POSTN: variants seen among roughly 807,000 people sequenced by gnomAD.
The protein encoded by POSTN is periostin.
POSTN carries 71 observed loss-of-function variants against 104.5 expected under a neutral mutation model. The observed-to-expected ratio is 0.68, with a 90% CI of 0.56 to 0.83. POSTN has a LOEUF of 0.83. POSTN is among the 40% of genes least tolerant of loss of function. POSTN has a pLI of 0.00. For missense variants in POSTN, 949 were observed against 1,006.8 expected (o/e 0.94, Z 0.78); for synonymous variants, 355 against 340.7 (o/e 1.04, Z -0.46).
Position 37,579,032 on chromosome 13 carries a change from G to A in POSTN, c.1881C>T (p.Leu627=), listed in dbSNP as rs747574348. 6.2e-7 allele frequency: 1 copy of A among 1,613,176 alleles called. No individual in the cohort carries two copies. Among genetic ancestry groups the A allele is most frequent in the African/African-American group, 1.3e-5 (1 of 74,984 alleles). The change falls in exon 14 of 23, where the codon CTC becomes CTT. Residue 627 remains leucine (L), a synonymous_variant. Coordinates refer to ENST00000379747, the MANE Select transcript of POSTN (RefSeq NM_006475.3). The stretch of plus-strand genomic sequence containing the variant: ...ATAATTACAAACCTGCTGGATAGAG[G>A]AGTTTATCTACAACATGAATTACAC... ...TNGVIHVVDK[L]LYPADTPVGN...
intron 15 of POSTN, among the ~76,000 whole-genome samples, chr13:37,578,244 A>G (rs1448030984): frequency 6.6e-6 from 1 of 152,130 alleles, no homozygotes; most frequent in Non-Finnish European, 1.5e-5. Flanking sequence ...TTGGACTGTA[A>G]ACTTTTTGAA....
Position 37,586,256 on chromosome 13 carries a change from A to G in POSTN, c.778T>C (p.Leu260=). ...TGACCGTCTCTTCCAAGGGCCTCCAATATGTCCGATGTGATGGCAGCTGCC... is the reference window on the plus strand; with the variant it reads ...TGACCGTCTCTTCCAAGGGCCTCCAGTATGTCCGATGTGATGGCAGCTGCC... The part of the protein sequence containing the change: ...FRAAAITSDI[L]EALGRDGHFT... The change falls in exon 7 of 23, where the codon TTG becomes CTG. Residue 260 remains leucine (L), a synonymous_variant. Transcript: ENST00000379747. The G allele has an allele frequency of 1.2e-5, 19 of 1,612,874 alleles. No homozygotes were observed. The highest frequency in any genetic ancestry group is 1.6e-5 in the Non-Finnish European group (19 of 1,179,480).
intron 16 of POSTN, among the ~76,000 whole-genome samples, chr13:37,574,993 G>A (rs1448249638): frequency 1.3e-5 from 2 of 151,950 alleles, no homozygotes; most frequent in Non-Finnish European, 2.9e-5. Context: ...CATTGCAACA[G>A]AAGACAAATA....
Position 37,571,389 on chromosome 13 carries a change from A to T in POSTN, c.2159T>A (p.Ile720Lys). The T allele has an allele frequency of 6.2e-7, 1 of 1,608,074 alleles. No individual in the cohort carries two copies. The highest frequency in any genetic ancestry group is 8.5e-7 in the Non-Finnish European group (1 of 1,175,232). ...EFRLIKEGET[I>K]TEVIHGEPII... ...CGCACCTCCATGGATCACTTCAGTTATTGTTTCACCTTCTTTAATCAGTCT... is the reference window on the plus strand; with the variant it reads ...CGCACCTCCATGGATCACTTCAGTTTTTGTTTCACCTTCTTTAATCAGTCT... Residue 720 changes from isoleucine (I) to lysine (K), a missense_variant, in exon 18 of 23, where the codon ATA (isoleucine) becomes AAA (lysine). Coordinates refer to ENST00000379747, the MANE Select transcript of POSTN (RefSeq NM_006475.3).
chr13:37,565,759 A>G (rs1950080428), intron 21 of POSTN, among the ~76,000 whole-genome samples: 1 of 152,246 alleles, frequency 6.6e-6, no homozygotes, highest in Admixed American at 6.5e-5. Context: ...GTCTGTGTAA[A>G]ACAACCAAGT....
At chr13:37,578,498 TAAATC>T (rs56728932) in intron 15 of POSTN, among the ~76,000 whole-genome samples, 18,403 of 152,014 alleles carry the variant, frequency 0.12, 1,624 homozygotes, top group African/African-American at 0.24. Flanking sequence ...ATATTAGAAA[TAAATC>T]AAGTAACTTT....
chr13:37,574,531 T>C, intron 17 of POSTN, 41 bp downstream of exon 17: 1 of 1,550,698 alleles, frequency 6.4e-7, no homozygotes, highest in Non-Finnish European at 8.6e-7. Flanking sequence ...TTTACAGATG[T>C]TTTTACTATA....
At chr13:37,571,259 A>G (rs1426523776) in intron 18 of POSTN, 110 bp downstream of exon 18, 18 of 727,760 alleles carry the variant, frequency 2.5e-5, no homozygotes, top group Non-Finnish European at 1.5e-5. Flanking sequence ...CACAATTTTT[A>G]TAAAATAAGA....
In POSTN at chr13:37,577,735, T is replaced by C. The variant is rs778857571; in HGVS notation, c.2008+18A>G. 1.7e-5 allele frequency: 27 copies of C among 1,608,894 alleles called. No homozygotes were observed. Among genetic ancestry groups the C allele is most frequent in the Non-Finnish European group, 2.1e-5 (25 of 1,177,454 alleles). On this transcript the variant is annotated intron_variant, in intron 16 of 22. Coordinates refer to ENST00000379747, the MANE Select transcript of POSTN (RefSeq NM_006475.3). The stretch of plus-strand genomic sequence containing the variant: ...CATACCTTGCCACCCAGGTGGCCAA[T>C]ATTTATTATATACTTACTATAGACA...
In POSTN at chr13:37,571,377, A is replaced by T. The variant is rs1274563119; in HGVS notation, c.2171T>A (p.Ile724Asn). 6.2e-7 allele frequency: 1 copy of T among 1,602,210 alleles called. No individual in the cohort carries two copies. The highest frequency in any genetic ancestry group is 8.5e-7 in the Non-Finnish European group (1 of 1,170,408). The change falls in exon 18 of 23, where the codon ATC becomes AAC. Residue 724 changes from isoleucine (I) to asparagine (N), a missense_variant. Transcript: ENST00000379747. ...TAACATAAGGAACGCACCTCCATGG[A>T]TCACTTCAGTTATTGTTTCACCTTC... ...IKEGETITEVIHGEPIIKKYT... is the reference protein window; with the variant it reads ...IKEGETITEVNHGEPIIKKYT...
intron 11 of POSTN, among the ~76,000 whole-genome samples, chr13:37,580,258 A>G (rs1490685627): frequency 6.6e-6 from 1 of 152,250 alleles, no homozygotes; most frequent in Non-Finnish European, 1.5e-5. Context: ...AAGCATTTTT[A>G]TCATGTAATA....
At chr13:37,569,565 A>G (rs948176452) in intron 20 of POSTN, 179 bp downstream of exon 20, 2 of 798,406 alleles carry the variant, frequency 2.5e-6, no homozygotes, top group Non-Finnish European at 4.3e-6. Flanking sequence ...TGAACAAAAT[A>G]CTGTATAAAA....
intron 16 of POSTN, among the ~76,000 whole-genome samples, chr13:37,576,363 A>G (rs572648156): frequency 2.0e-5 from 3 of 152,258 alleles, no homozygotes; most frequent in East Asian, 3.9e-4. Flanking sequence ...AACATCTTAC[A>G]TTGGAATGTA....
intron 17 of POSTN, among the ~76,000 whole-genome samples, chr13:37,574,053 T>C (rs915885250): frequency 6.6e-6 from 1 of 151,762 alleles, no homozygotes. Context: ...TTTTGTTTTA[T>C]AATTCTGATG....
chr13:37,564,193 T>A (rs200219820), intron 22 of POSTN, among the ~76,000 whole-genome samples: 3,570 of 22,584 alleles, frequency 0.16, 69 homozygotes, highest in Non-Finnish European at 0.22. Context: ...TATATATATA[T>A]ATATATATAT....
chr13:37,584,026 C>A lies in POSTN; in HGVS notation c.1186G>T (p.Ala396Ser), dbSNP rs1161851802. 2 of 1,613,942 alleles carry A rather than the reference C, an allele frequency of 1.2e-6. No homozygotes were observed. Among genetic ancestry groups the A allele is most frequent in the Non-Finnish European group, 1.7e-6 (2 of 1,179,930 alleles). The change falls in exon 9 of 23, where the codon GCT becomes TCT. Residue 396 changes from alanine (A) to serine (S), a missense_variant. Ala to Ser is a moderately conservative substitution (Grantham distance 99, BLOSUM62 1). Transcript: ENST00000379747. ...DLVAQLGLAS[A>S]LRPDGEYTLL... ...GTGTATTCTCCATCTGGCCTCAGAG[C>A]AGATGCCAAGCCTAATTGGGCCACA...
At chr13:37,589,161 A>T (rs1388205051) in intron 4 of POSTN, among the ~76,000 whole-genome samples, 1 of 152,120 alleles carries the variant, frequency 6.6e-6, no homozygotes, top group East Asian at 1.9e-4. Flanking sequence ...ATATCCAAGG[A>T]TAAATGCTAA....
chr13:37,571,195 C>T (rs1428687083), intron 18 of POSTN, 174 bp downstream of exon 18: 3 of 508,098 alleles, frequency 5.9e-6, no homozygotes, highest in African/African-American at 4.0e-5. Flanking sequence ...TAAAAGCTAA[C>T]TATGTTTTAT....
In POSTN at chr13:37,587,817, C is replaced by G. The variant is rs746937884; in HGVS notation, c.606+5G>C. On this transcript the variant is annotated splice_donor_5th_base_variant and intron_variant, in intron 5 of 22. Transcript: ENST00000379747. The stretch of plus-strand genomic sequence containing the variant: ...ATAAGTGTACTTTTTACTGATAAAA[C>G]TTACCCCATTAGGATAATGGTTAAT... 6.4e-7 allele frequency: 1 copy of G among 1,566,394 alleles called. No individual in the cohort carries two copies. The highest frequency in any genetic ancestry group is 2.3e-5 in the East Asian group (1 of 44,136).
Sources: allele counts gnomAD v4.1 joint callset (sites outside exome capture counted in the v4.1 genomes callset), GRCh38; gene constraint gnomAD v4.1.1; transcripts MANE v1.5; gene names NCBI Gene and HGNC (gene_info 2026-07-23, HGNC 2026-07-21).